DDX42: variants seen among roughly 807,000 people sequenced by gnomAD.
DDX42 encodes ATP-dependent RNA helicase DDX42.
DDX42 carries 22 observed loss-of-function variants against 101.5 expected under a neutral mutation model. That is an observed-to-expected ratio of 0.22 (90% confidence interval 0.15 to 0.31). The LOEUF is 0.31. Among genes scored for constraint, DDX42 ranks in the 10% least tolerant of loss-of-function variants. DDX42 has a pLI of 1.00. For synonymous variants in DDX42, 402 were observed against 401.2 expected (o/e 1.00, Z -0.02); for missense variants, 849 against 1,199.9 (o/e 0.71, Z 4.32).
Position 63,805,074 on chromosome 17 carries a change from G to A in DDX42, c.625G>A (p.Asp209Asn). The change falls in exon 7 of 18, where the codon GAC becomes AAC. Residue 209 changes from aspartate to asparagine, a missense_variant. By Grantham distance (23) the Asp-to-Asn change is conservative. Transcript: ENST00000389924. ...PLPPIDHSEI[D>N]YPPFEKNFYN... ...CTTTGAATAATTGGACCTGCAGATT[G>A]ACTATCCACCATTTGAAAAAAACTT... 6.2e-7 allele frequency: 1 copy of A among 1,606,974 alleles called. No individual in the cohort carries two copies. Among genetic ancestry groups the A allele is most frequent in the Non-Finnish European group, 8.5e-7 (1 of 1,178,382 alleles).
intron 15 of DDX42, among the ~76,000 whole-genome samples, chr17:63,814,136 G>A (rs942107972): frequency 1.3e-5 from 2 of 152,160 alleles, no homozygotes; most frequent in African/African-American, 2.4e-5. Flanking sequence ...GTGAGCCACC[G>A]TGCCCAGCCT....
Position 63,814,675 on chromosome 17 carries a change from C to CTTT in DDX42, c.1903-867_1903-865dup, listed in dbSNP as rs58211962. ...ACTTTAACCTTCCCAGAGACATTTGCTTTTTTTTTTTTTTTTTTTTTTTCT... is the reference window on the plus strand; with the variant it reads ...ACTTTAACCTTCCCAGAGACATTTGCTTTTTTTTTTTTTTTTTTTTTTTTTTCT... On this transcript the variant is annotated intron_variant, in intron 15 of 17. Coordinates refer to ENST00000389924, the MANE Select transcript of DDX42 (RefSeq NM_203499.3). Among the ~76,000 whole-genome samples, 55 of 90,452 alleles carry CTTT rather than the reference C, an allele frequency of 6.1e-4. 3 individuals are homozygous for CTTT. The highest frequency in any genetic ancestry group is 9.2e-4 in the African/African-American group (21 of 22,778). The allele number at this position is 90,452 out of a possible 152,430, so 59.3% of individuals were successfully genotyped here.
At chr17:63,775,368 G>T (rs1463216189) in intron 1 of DDX42, among the ~76,000 whole-genome samples, 2 of 152,192 alleles carry the variant, frequency 1.3e-5, no homozygotes, top group African/African-American at 4.8e-5. Flanking sequence ...TTAGACCCCT[G>T]CCTTTGGGGA....
chr17:63,804,737 T>C (rs1598337478), intron 6 of DDX42, among the ~76,000 whole-genome samples: 1 of 152,126 alleles, frequency 6.6e-6, no homozygotes, highest in East Asian at 1.9e-4. Context: ...TCCCAGCTAC[T>C]TGGGAGGCTG....
At chr17:63,817,454 GC>G (rs1249874188) in intron 17 of DDX42, 1 of 469,604 alleles carries the variant, frequency 2.1e-6, no homozygotes, top group African/African-American at 1.9e-5. Context: ...CTTTATTCTA[GC>G]CAATCAGGCT....
In DDX42 at chr17:63,818,886, G is replaced by C. The variant is rs2040013501; in HGVS notation, c.*488G>C. The C allele has an allele frequency of 6.4e-6, 1 of 156,678 alleles. No homozygotes were observed. Among genetic ancestry groups the C allele is most frequent in the African/African-American group, 2.4e-5 (1 of 41,424 alleles). The allele number at this position is 156,678 out of a possible 1,614,324, so 9.7% of individuals were successfully genotyped here. ...GGTAGTTGTAGACATTTGCAGGGAA[G>C]GGAGATGTCTGATTCTAAATGGGAG... On this transcript the variant is annotated 3_prime_UTR_variant, in exon 18 of 18. Coordinates refer to ENST00000389924, the MANE Select transcript of DDX42 (RefSeq NM_203499.3).
At chr17:63,778,555 C>T (rs1160340326) in intron 1 of DDX42, among the ~76,000 whole-genome samples, 1 of 152,152 alleles carries the variant, frequency 6.6e-6, no homozygotes, top group Admixed American at 6.5e-5. Flanking sequence ...ATCCTTAGCA[C>T]CTTAGAGCAG....
At position 63,815,688 on chromosome 17, in the gene DDX42, CT is replaced by C; in HGVS notation, c.2013+16del. 1 of 1,549,616 alleles carries C rather than the reference CT, an allele frequency of 6.5e-7. No individual in the cohort carries two copies. Among genetic ancestry groups the C allele is most frequent in the Non-Finnish European group, 8.9e-7 (1 of 1,127,446 alleles). On this transcript the variant is annotated intron_variant, in intron 16 of 17. Transcript: ENST00000389924. ...CTGAGAACATGGTGAGTCTAGACTA[CT>C]ACAGTAGTGCCTTTATAGTTGGTCT...
chr17:63,807,765 T>C lies in DDX42; in HGVS notation c.888T>C (p.Ile296=). The change falls in exon 9 of 18, where the codon ATT becomes ATC. Residue 296 remains isoleucine, a synonymous_variant. Transcript: ENST00000389924. The part of the protein sequence containing the change: ...VALSGRDMIG[I]AKTGSGKTAA... ...TAAGTGGTAGAGACATGATTGGTAT[T>C]GCCAAAACAGGTAGTGGGAAAACTG... The C allele has an allele frequency of 6.2e-7, 1 of 1,614,086 alleles. No individual in the cohort carries two copies. The highest frequency in any genetic ancestry group is 8.5e-7 in the Non-Finnish European group (1 of 1,180,004).
intron 5 of DDX42, 33 bp downstream of exon 5, chr17:63,799,658 T>A: frequency 6.2e-7 from 1 of 1,606,358 alleles, no homozygotes; most frequent in Non-Finnish European, 8.5e-7. Flanking sequence ...TATCTTTTAT[T>A]TTTATCCACA....
At chr17:63,815,479 C>T in intron 15 of DDX42, 84 bp from the exon 16 acceptor site, 1 of 994,922 alleles carries the variant, frequency 1.0e-6, no homozygotes, top group South Asian at 1.5e-5. Flanking sequence ...TCCCCCTTCC[C>T]ACTTAATTTC....
At chr17:63,801,356 T>C (rs531310319) in intron 6 of DDX42, among the ~76,000 whole-genome samples, 14 of 151,146 alleles carry the variant, frequency 9.3e-5, no homozygotes, top group Middle Eastern at 3.6e-3. Context: ...CACCCAGCCT[T>C]GACATCTTTC....
intron 15 of DDX42, 36 bp downstream of exon 15, chr17:63,813,490 T>G (rs1326630929): frequency 6.3e-7 from 1 of 1,580,604 alleles, no homozygotes; most frequent in East Asian, 2.2e-5. Context: ...TGCTCCTGGT[T>G]ATAAGACCAA....
At chr17:63,808,560 C>A (rs1181526400) in intron 9 of DDX42, among the ~76,000 whole-genome samples, 1 of 152,056 alleles carries the variant, frequency 6.6e-6, no homozygotes, top group African/African-American at 2.4e-5. Context: ...AGGATGAGTT[C>A]ATTTTATCTT....
chr17:63,791,897 A>G (rs1318526709), intron 2 of DDX42, among the ~76,000 whole-genome samples: 6 of 151,988 alleles, frequency 3.9e-5, no homozygotes, highest in Non-Finnish European at 7.4e-5. Context: ...AAATACAAAA[A>G]TTAGCCAGGC....
chr17:63,789,472 C>A (rs548332114), intron 2 of DDX42, among the ~76,000 whole-genome samples: 7 of 152,016 alleles, frequency 4.6e-5, no homozygotes, highest in African/African-American at 1.4e-4. Context: ...CCTTGGCCTC[C>A]CAAAGTGCTG....
At chr17:63,804,597 C>G (rs1178085859) in intron 6 of DDX42, among the ~76,000 whole-genome samples, 1 of 152,126 alleles carries the variant, frequency 6.6e-6, no homozygotes. Context: ...CTTCTCTGTC[C>G]TCTGAGGTCT....
Position 63,774,241 on chromosome 17 carries a change from G to A in DDX42, c.-152G>A. 1 of 199,836 alleles carries A rather than the reference G, an allele frequency of 5.0e-6. No individual in the cohort carries two copies. The highest frequency in any genetic ancestry group is 8.1e-6 in the Non-Finnish European group (1 of 122,844). 12.4% of individuals were successfully genotyped at this position (199,836 alleles called of 1,614,324 possible). A position where few individuals can be genotyped will look rare whatever the true frequency, so the allele number is the denominator to read the frequency against. On this transcript the variant is annotated 5_prime_UTR_variant, in exon 1 of 18. Coordinates refer to ENST00000389924, the MANE Select transcript of DDX42 (RefSeq NM_203499.3). ...TGGCGGTGGCGGCGGCGGTGGTGGT[G>A]GTGGCGGCGGCGGCGGCGAAGGGGG...
chr17:63,813,540 G>A (rs1176180382), intron 15 of DDX42, 86 bp downstream of exon 15: 6 of 1,285,148 alleles, frequency 4.7e-6, no homozygotes, highest in Non-Finnish European at 6.5e-6. Flanking sequence ...ATAAAAACTT[G>A]ACAAGAAAGT....
Sources: allele counts gnomAD v4.1 joint callset (sites outside exome capture counted in the v4.1 genomes callset), GRCh38; gene constraint gnomAD v4.1.1; transcripts MANE v1.5; gene names NCBI Gene and HGNC (gene_info 2026-07-23, HGNC 2026-07-21).